Variants in FRMPD4 observed in about 807,000 individuals in gnomAD.
FRMPD4 encodes FERM and PDZ domain containing 4.
A neutral mutation model predicts 94.1 loss-of-function variants in FRMPD4; 22 were observed. The ratio of observed to expected loss-of-function variants is 0.23; its 90% CI spans 0.17 to 0.33. FRMPD4 has a LOEUF of 0.33. Among genes scored for constraint, FRMPD4 ranks in the 10% least tolerant of loss-of-function variants. FRMPD4 has a pLI of 1.00. For missense variants in FRMPD4, 1,111 were observed against 1,339.9 expected (o/e 0.83, Z 2.67); for synonymous variants, 631 against 548.6 (o/e 1.15, Z -2.10).
At chrX:11,839,129 A>G (rs770721143) in intron 1 of FRMPD4, among the ~76,000 whole-genome samples, 1 of 111,265 alleles carries the variant, frequency 9.0e-6, no homozygotes, top group East Asian at 2.8e-4. Flanking sequence ...AGTTTCTCCA[A>G]ATCCTCACCA....
intron 3 of FRMPD4, among the ~76,000 whole-genome samples, chrX:12,122,770 A>G (rs2055466831): frequency 9.0e-6 from 1 of 111,639 alleles, no homozygotes; most frequent in Admixed American, 9.5e-5. Flanking sequence ...AAATACAAGT[A>G]TATATGGGCC....
chrX:12,042,216 C>CTT (rs202168716), intron 3 of FRMPD4, among the ~76,000 whole-genome samples: 2 of 100,057 alleles, frequency 2.0e-5, no homozygotes, highest in East Asian at 6.1e-4. Flanking sequence ...CTTTTGACAG[C>CTT]TTTTTTTTTT....
intron 3 of FRMPD4, among the ~76,000 whole-genome samples, chrX:11,945,414 T>C (rs1038393786): frequency 8.9e-6 from 1 of 112,072 alleles, no homozygotes; most frequent in Non-Finnish European, 1.9e-5. Flanking sequence ...AAACCTGTGA[T>C]GGATTATTAT....
chrX:12,064,482 C>T (rs1034804480), intron 3 of FRMPD4, among the ~76,000 whole-genome samples: 1 of 111,655 alleles, frequency 9.0e-6, no homozygotes, highest in African/African-American at 3.3e-5. Flanking sequence ...CTATTTTAAG[C>T]CTGGCAGACA....
At chrX:12,441,191 A>G (rs867002263) in intron 1 of FRMPD4, among the ~76,000 whole-genome samples, 4 of 112,001 alleles carry the variant, frequency 3.6e-5, no homozygotes, top group African/African-American at 1.3e-4. Context: ...TCTTAGGGAA[A>G]CTACAGAGCA....
At chrX:12,351,979 G>C (rs1281258986) in intron 1 of FRMPD4, among the ~76,000 whole-genome samples, 1 of 112,046 alleles carries the variant, frequency 8.9e-6, no homozygotes, top group Non-Finnish European at 1.9e-5. Flanking sequence ...ATGTCATTTG[G>C]TAAATATGTC....
chrX:12,058,761 G>T (rs765316706), intron 3 of FRMPD4, among the ~76,000 whole-genome samples: 6 of 110,877 alleles, frequency 5.4e-5, no homozygotes, highest in African/African-American at 1.6e-4. Context: ...GGGTCATTTT[G>T]CAACCCCCCT....
intron 2 of FRMPD4, among the ~76,000 whole-genome samples, chrX:12,509,292 C>T (rs1028752381): frequency 1.8e-4 from 20 of 111,864 alleles, no homozygotes; most frequent in Non-Finnish European, 3.6e-4. Flanking sequence ...TGCATGTTTA[C>T]AGCAGCACAA....
intron 16 of FRMPD4, among the ~76,000 whole-genome samples, chrX:12,719,194 G>C (rs929411115): frequency 6.2e-5 from 7 of 112,584 alleles, no homozygotes; most frequent in African/African-American, 2.3e-4. Flanking sequence ...GACAAGGAAG[G>C]ATAAGAGAGC....
chrX:11,873,486 T>C (rs1040009733), intron 2 of FRMPD4, among the ~76,000 whole-genome samples: 2 of 110,969 alleles, frequency 1.8e-5, no homozygotes, highest in Admixed American at 1.9e-4. Context: ...TACTTAGGGA[T>C]AAATTAGCAA....
chrX:12,334,389 A>C (rs986728335), intron 1 of FRMPD4, among the ~76,000 whole-genome samples: 2 of 111,282 alleles, frequency 1.8e-5, no homozygotes, highest in Non-Finnish European at 3.8e-5. Flanking sequence ...CTACCTCAAT[A>C]ACCTGCCTCA....
At chrX:12,117,004 G>C (rs921798122) in intron 3 of FRMPD4, among the ~76,000 whole-genome samples, 2 of 111,766 alleles carry the variant, frequency 1.8e-5, no homozygotes, top group African/African-American at 3.2e-5. Flanking sequence ...CTGTGCCAGA[G>C]AACTGGTTAA....
At chrX:11,900,843 A>G (rs1185185819) in intron 3 of FRMPD4, among the ~76,000 whole-genome samples, 1 of 110,933 alleles carries the variant, frequency 9.0e-6, no homozygotes, top group Non-Finnish European at 1.9e-5. Context: ...AACACCACAT[A>G]AAGAGCTTTC....
At chrX:12,147,029 T>C (rs770571517) in intron 1 of FRMPD4, among the ~76,000 whole-genome samples, 1 of 112,743 alleles carries the variant, frequency 8.9e-6, no homozygotes, top group East Asian at 2.8e-4. Context: ...GGCAGAACTC[T>C]GACCCTATGT....
chrX:12,720,406 C>A lies in FRMPD4; in HGVS notation c.3965-128C>A, dbSNP rs956112335. 4 of 627,903 alleles carry A rather than the reference C, an allele frequency of 6.4e-6. No homozygotes were observed. The African/African-American group carries it at 6.6e-5, about 10-fold the overall frequency. The allele number at this position is 627,903 out of a possible 1,213,427, so 51.7% of individuals were successfully genotyped here. On this transcript the variant is annotated intron_variant, in intron 16 of 16. Coordinates refer to ENST00000675598, the MANE Select transcript of FRMPD4 (RefSeq NM_001368397.1). The stretch of plus-strand genomic sequence containing the variant: ...GGCAGTCTTTGGAAAGCAGGGTGAC[C>A]TTAGCATCGGCAGCCCTTCCAGACT...
chrX:12,613,753 G>A (rs979351824), intron 3 of FRMPD4, among the ~76,000 whole-genome samples: 5 of 112,065 alleles, frequency 4.5e-5, no homozygotes, highest in Non-Finnish European at 9.4e-5. Flanking sequence ...TGAGGCGGGT[G>A]GATCACGAGG....
intron 1 of FRMPD4, among the ~76,000 whole-genome samples, chrX:12,319,670 C>G (rs1320470022): frequency 8.9e-6 from 1 of 111,903 alleles, no homozygotes; most frequent in Non-Finnish European, 1.9e-5. Context: ...AGCCCATCTT[C>G]AAACCTTAAG....
At chrX:12,334,132 T>C (rs1004892980) in intron 1 of FRMPD4, among the ~76,000 whole-genome samples, 5 of 112,128 alleles carry the variant, frequency 4.5e-5, no homozygotes, top group African/African-American at 1.6e-4. Flanking sequence ...AATATTACTA[T>C]AGTATCACTA....
At chrX:12,436,772 A>G (rs769610038) in intron 1 of FRMPD4, among the ~76,000 whole-genome samples, 2 of 111,685 alleles carry the variant, frequency 1.8e-5, no homozygotes, top group South Asian at 7.5e-4. Flanking sequence ...ACCTGTAATA[A>G]TATATTCATA....
Sources: gnomAD v4.1 joint callset for allele counts (sites outside exome capture counted in the v4.1 genomes callset) on GRCh38, gnomAD v4.1.1 for gene constraint, MANE v1.5 for transcripts, NCBI Gene and HGNC (gene_info 2026-07-23, HGNC 2026-07-21) for gene names.